The following SCGB2A1 variants were observed in gnomAD, a reference collection of about 807,000 sequenced individuals.
SCGB2A1 encodes mammaglobin-B.
In SCGB2A1, 6 loss-of-function variants were observed where a neutral mutation model predicts 9.2. That is an observed-to-expected ratio of 0.66 (90% CI 0.36 to 1.29). The LOEUF (loss-of-function observed/expected upper bound fraction) is 1.29. Among genes scored for constraint, SCGB2A1 ranks in the 50% most tolerant of loss-of-function variants. The probability of loss-of-function intolerance (pLI) is 0.03; values close to 1 mark genes in which losing one functional copy is unlikely to be tolerated. For synonymous variants in SCGB2A1, 37 were observed against 41.0 expected (o/e 0.90, Z 0.37); for missense variants, 138 against 116.9 (o/e 1.18, Z -0.83).
intron 2 of SCGB2A1, among the ~76,000 whole-genome samples, chr11:62,211,440 C>T (rs1283585488): frequency 6.6e-6 from 1 of 151,940 alleles, no homozygotes; most frequent in Non-Finnish European, 1.5e-5. Context: ...CACTCTGTTG[C>T]CCAGGCTGGA....
chr11:62,213,043 CATATAT>C, intron 2 of SCGB2A1, among the ~76,000 whole-genome samples: 1 of 74,532 alleles, frequency 1.3e-5, no homozygotes, highest in African/African-American at 4.4e-5. Context: ...CACATATATA[CATATAT>C]ACACATATAT....
chr11:62,212,473 A>G (rs957475983), intron 2 of SCGB2A1, among the ~76,000 whole-genome samples: 1 of 151,496 alleles, frequency 6.6e-6, no homozygotes, highest in Non-Finnish European at 1.5e-5. Flanking sequence ...TGTCTCTACT[A>G]AAAATACAAA....
intron 2 of SCGB2A1, 166 bp from the exon 3 acceptor site, chr11:62,213,560 T>A: frequency 1.6e-6 from 1 of 631,894 alleles, no homozygotes; most frequent in East Asian, 2.8e-5. Context: ...AAGTGTCTCC[T>A]AGATAACAGA....
Position 62,210,394 on chromosome 11 carries a change from T to A in SCGB2A1, c.56-19T>A. ...GGCCCATGTTCTTGTGTCTTTTTTTTTTTTTTTTTTTTTTCCAGATTCTGG... is the reference window on the plus strand; with the variant it reads ...GGCCCATGTTCTTGTGTCTTTTTTTATTTTTTTTTTTTTTCCAGATTCTGG... On this transcript the variant is annotated intron_variant, in intron 1 of 2. Transcript: ENST00000244930. 1.3e-6 allele frequency: 1 copy of A among 767,786 alleles called. No homozygotes were observed. Among genetic ancestry groups the A allele is most frequent in the Non-Finnish European group, 1.6e-6 (1 of 636,450 alleles). 47.6% of individuals were successfully genotyped at this position (767,786 alleles called of 1,614,324 possible).
At chr11:62,210,024 C>G (rs1341789388) in intron 1 of SCGB2A1, among the ~76,000 whole-genome samples, 1 of 152,156 alleles carries the variant, frequency 6.6e-6, no homozygotes, top group Non-Finnish European at 1.5e-5. Flanking sequence ...TGGACAATGT[C>G]CTAGACCCAT....
intron 2 of SCGB2A1, among the ~76,000 whole-genome samples, chr11:62,212,930 A>ATG (rs1475504051): frequency 6.9e-4 from 98 of 141,440 alleles, no homozygotes; most frequent in African/African-American, 2.3e-3. Flanking sequence ...ACACACACAT[A>ATG]TATACACACA....
chr11:62,212,975 T>TGTACACAC (rs1210814402), intron 2 of SCGB2A1, among the ~76,000 whole-genome samples: 6 of 150,616 alleles, frequency 4.0e-5, no homozygotes, highest in African/African-American at 1.5e-4. Flanking sequence ...TGTACACATA[T>TGTACACAC]ATGTGCACAT....
rs772938810 is a variant in SCGB2A1, at chr11:62,208,752, C to G, written c.21C>G (p.Leu7=). The part of the protein sequence containing the change: MKLLMV[L]MLAALLLHCY... ...TCGCCATGAAGCTGCTGATGGTCCTCATGCTGGCGGCCCTCCTCCTGCACT... is the reference window on the plus strand; with the variant it reads ...TCGCCATGAAGCTGCTGATGGTCCTGATGCTGGCGGCCCTCCTCCTGCACT... Residue 7 remains leucine, a synonymous_variant, in exon 1 of 3, where the codon CTC becomes CTG. Coordinates refer to ENST00000244930, the MANE Select transcript of SCGB2A1 (RefSeq NM_002407.3). 30 of 1,613,690 alleles carry G rather than the reference C, an allele frequency of 1.9e-5. No individual in the cohort carries two copies. In the East Asian group the frequency reaches 6.7e-4, roughly 36 times the overall value.
rs752899382 is a variant in SCGB2A1 at position 62,208,706 on chromosome 11, T to C, written c.-26T>C. The C allele has an allele frequency of 6.8e-6, 11 of 1,613,160 alleles. No individual in the cohort carries two copies. The highest frequency in any genetic ancestry group is 1.3e-5 in the African/African-American group (1 of 74,918). ...TTCCTTGATCCCTGCCACGCACGAC[T>C]GAACACAGACAGCAGCCGCCTCGCC... On this transcript the variant is annotated 5_prime_UTR_variant, in exon 1 of 3. Transcript: ENST00000244930.
intron 1 of SCGB2A1, 51 bp from the exon 2 acceptor site, chr11:62,210,362 T>C (rs762878514): frequency 1.3e-6 from 2 of 1,536,674 alleles, no homozygotes; most frequent in Non-Finnish European, 1.7e-6. Context: ...ATCACACCTC[T>C]AGTAATGGCC....
intron 1 of SCGB2A1, 75 bp downstream of exon 1, chr11:62,208,861 T>G (rs989816783): frequency 1.4e-6 from 2 of 1,460,184 alleles, no homozygotes; most frequent in Non-Finnish European, 1.9e-6. Flanking sequence ...ACTCCCAACC[T>G]CTAATCCCCA....
At chr11:62,211,179 C>G (rs1316384929) in intron 2 of SCGB2A1, among the ~76,000 whole-genome samples, 1 of 151,992 alleles carries the variant, frequency 6.6e-6, no homozygotes, top group African/African-American at 2.4e-5. Context: ...CTCCCTTGGC[C>G]TCCCAGAGTT....
At chr11:62,212,891 A>G (rs972940756) in intron 2 of SCGB2A1, among the ~76,000 whole-genome samples, 1 of 146,092 alleles carries the variant, frequency 6.8e-6, no homozygotes, top group Admixed American at 6.7e-5. Flanking sequence ...GCACACTAAC[A>G]CACCTGGCAT....
chr11:62,212,252 A>G (rs940255705), intron 2 of SCGB2A1, among the ~76,000 whole-genome samples: 4 of 152,114 alleles, frequency 2.6e-5, no homozygotes, highest in African/African-American at 9.7e-5. Flanking sequence ...AAAACATTCC[A>G]TAATAAAAAA....
intron 2 of SCGB2A1, among the ~76,000 whole-genome samples, chr11:62,211,840 T>C (rs1283190821): frequency 6.6e-6 from 1 of 152,214 alleles, no homozygotes; most frequent in Non-Finnish European, 1.5e-5. Flanking sequence ...AGTGCTAGAA[T>C]TGTTTAAAAC....
chr11:62,212,525 CT>C (rs1212896169), intron 2 of SCGB2A1, among the ~76,000 whole-genome samples: 1 of 151,748 alleles, frequency 6.6e-6, no homozygotes, highest in Admixed American at 6.6e-5. Context: ...ATTCCAGCTG[CT>C]TGGGTGGCTG....
At position 62,213,758 on chromosome 11, in the gene SCGB2A1, G is replaced by A. The variant is rs889896115; in HGVS notation, c.276G>A (p.Met92Ile). 1 of 1,613,984 alleles carries A rather than the reference G, an allele frequency of 6.2e-7. No homozygotes were observed. Among genetic ancestry groups the A allele is most frequent in the South Asian group, 1.1e-5 (1 of 91,034 alleles). ...HTVYDSIWCN[M>I]KSN ...TGTACGACAGCATTTGGTGTAATAT[G>A]AAGAGTAATTAACTTTACCCAAGGC... The change falls in exon 3 of 3, where the codon ATG becomes ATA. Residue 92 changes from methionine (M) to isoleucine (I), a missense_variant. Physicochemically the swap from Met to Ile is conservative, Grantham distance 10. Coordinates refer to ENST00000244930, the MANE Select transcript of SCGB2A1 (RefSeq NM_002407.3).
At position 62,208,757 on chromosome 11, in the gene SCGB2A1, T is replaced by G. The variant is rs776542440; in HGVS notation, c.26T>G (p.Leu9Arg). The change falls in exon 1 of 3, where the codon CTG becomes CGG. Residue 9 changes from leucine (L) to arginine (R), a missense_variant. Leu to Arg is a moderately radical substitution (Grantham distance 102). Transcript: ENST00000244930. ...ATGAAGCTGCTGATGGTCCTCATGC[T>G]GGCGGCCCTCCTCCTGCACTGCTAT... MKLLMVLM[L>R]AALLLHCYAD... 3 of 1,613,532 alleles carry G rather than the reference T, an allele frequency of 1.9e-6. No individual in the cohort carries two copies. The East Asian group carries it at 6.7e-5, about 36-fold the overall frequency.
At chr11:62,209,608 C>T (rs998509978) in intron 1 of SCGB2A1, among the ~76,000 whole-genome samples, 6 of 151,598 alleles carry the variant, frequency 4.0e-5, no homozygotes, top group Non-Finnish European at 8.8e-5. Context: ...CTCAGATCCC[C>T]TCATGAACAA....
Sources: allele counts gnomAD v4.1 joint callset (sites outside exome capture counted in the v4.1 genomes callset), GRCh38; gene constraint gnomAD v4.1.1; transcripts MANE v1.5; gene names NCBI Gene and HGNC (gene_info 2026-07-23, HGNC 2026-07-21).